Variants in SUGCT observed in about 807,000 individuals in gnomAD.
SUGCT encodes succinyl-CoA:glutarate CoA-transferase.
A neutral mutation model predicts 55.0 loss-of-function variants in SUGCT; 41 were observed. The observed-to-expected ratio is 0.74, with a 90% CI of 0.58 to 0.97. The LOEUF is 0.97. Ranked by LOEUF, SUGCT falls within the 50% of genes least tolerant of loss-of-function variation. SUGCT has a pLI of 0.00. For synonymous variants in SUGCT, 187 were observed against 200.4 expected, an observed-to-expected ratio of 0.93 and a Z score of 0.56; for missense variants, 568 against 547.8, an observed-to-expected ratio of 1.04 and a Z score of -0.37.
the SUGCT span, among the ~76,000 whole-genome samples, chr7:41,008,616 A>G: frequency 2.1e-4 from 31 of 150,346 alleles, no homozygotes; most frequent in African/African-American, 6.6e-4. Flanking sequence ...AAGGCTCCAC[A>G]TCTTCCATGG....
the SUGCT span, chr7:40,966,067 G>A: frequency 2.0e-5 from 3 of 152,292 alleles, no homozygotes; most frequent in Admixed American, 2.0e-4. Flanking sequence ...GACTGCATAG[G>A]CCATCACAAT....
intron 12 of SUGCT, among the ~76,000 whole-genome samples, chr7:40,707,285 T>TCTTCGTCTC (rs1228199357): frequency 6.6e-6 from 1 of 152,186 alleles, no homozygotes; most frequent in Non-Finnish European, 1.5e-5. Context: ...GAGAACGTTT[T>TCTTCGTCTC]CTTCGTCTCC....
At position 40,434,500 on chromosome 7, in the gene SUGCT, G is replaced by A. The variant is rs545012706; in HGVS notation, c.817-14787G>A. ...CATATCCAGATTCATGGGGACTTGA[G>A]AAGGAAGAACTTAAACCATGCTCAT... On this transcript the variant is annotated intron_variant, in intron 9 of 13. Coordinates refer to ENST00000335693, the MANE Select transcript of SUGCT (RefSeq NM_001193313.2). 1.1e-3 allele frequency among the ~76,000 whole-genome samples: 167 copies of A among 152,260 alleles called. 2 individuals carry two copies. Among genetic ancestry groups the A allele is most frequent in the Non-Finnish European group, 1.5e-4 (10 of 68,024 alleles).
intron 13 of SUGCT, among the ~76,000 whole-genome samples, chr7:40,790,240 C>T (rs1313368051): frequency 6.6e-6 from 1 of 152,154 alleles, no homozygotes; most frequent in Non-Finnish European, 1.5e-5. Context: ...AGTGAGTTCT[C>T]ACCAGATCTG....
At chr7:40,616,170 A>G (rs1318765675) in intron 12 of SUGCT, among the ~76,000 whole-genome samples, 1 of 152,168 alleles carries the variant, frequency 6.6e-6, no homozygotes, top group African/African-American at 2.4e-5. Context: ...TCTTTGAAGA[A>G]ACCAGGAACT....
intron 11 of SUGCT, among the ~76,000 whole-genome samples, chr7:40,475,079 T>G (rs951355338): frequency 2.6e-5 from 4 of 152,228 alleles, no homozygotes; most frequent in African/African-American, 9.6e-5. Context: ...GGGTGCCCAT[T>G]ACTAAATCAC....
chr7:40,250,763 A>G (rs567277811), intron 7 of SUGCT, among the ~76,000 whole-genome samples: 1 of 151,750 alleles, frequency 6.6e-6, no homozygotes, highest in East Asian at 1.9e-4. Flanking sequence ...TCATTACTAA[A>G]AGATCCTGTG....
chr7:40,237,546 T>C, intron 6 of SUGCT, 89 bp from the exon 7 acceptor site: 1 of 987,448 alleles, frequency 1.0e-6, no homozygotes, highest in Middle Eastern at 2.1e-4. Flanking sequence ...GCAGGATTTC[T>C]GGATACAAAT....
chr7:40,714,196 G>A (rs77538635), intron 12 of SUGCT, among the ~76,000 whole-genome samples: 1 of 152,050 alleles, frequency 6.6e-6, no homozygotes, highest in Non-Finnish European at 1.5e-5. Flanking sequence ...CAGGTGTGTT[G>A]GTGAGCGCCT....
chr7:40,869,166 A>G, the SUGCT span, among the ~76,000 whole-genome samples: 1 of 152,176 alleles, frequency 6.6e-6, no homozygotes, highest in South Asian at 2.1e-4. Context: ...AAGTGCTTCT[A>G]TGGAAGGAAT....
intron 13 of SUGCT, among the ~76,000 whole-genome samples, chr7:40,848,927 T>C (rs1302095897): frequency 6.6e-6 from 1 of 152,216 alleles, no homozygotes; most frequent in East Asian, 1.9e-4. Context: ...TTGGATGCTA[T>C]GGCTGAGAGG....
the SUGCT span, among the ~76,000 whole-genome samples, chr7:40,933,149 C>T: frequency 2.2e-4 from 33 of 152,046 alleles, no homozygotes; most frequent in Non-Finnish European, 3.8e-4. Flanking sequence ...AATCTCTCAG[C>T]GTTTGCTTGT....
intron 3 of SUGCT, among the ~76,000 whole-genome samples, chr7:40,182,633 A>G (rs936117251): frequency 7.2e-5 from 11 of 152,148 alleles, no homozygotes; most frequent in Non-Finnish European, 1.6e-4. Context: ...TGACACCTAC[A>G]GTGCCGGGGC....
chr7:40,256,069 A>T (rs1018110688), intron 7 of SUGCT, among the ~76,000 whole-genome samples: 8 of 152,190 alleles, frequency 5.3e-5, no homozygotes, highest in Admixed American at 2.6e-4. Context: ...ATCTCATGAA[A>T]TCTAAATTTC....
At chr7:40,896,762 G>A in the SUGCT span, among the ~76,000 whole-genome samples, 1 of 152,114 alleles carries the variant, frequency 6.6e-6, no homozygotes, top group Non-Finnish European at 1.5e-5. Context: ...TTAGCAGTGT[G>A]AGAATGGACT....
rs1266625916 is a variant in SUGCT at position 40,775,690 on chromosome 7, T to G, written c.1153+26193T>G. 3 of 152,304 alleles carry G rather than the reference T, an allele frequency of 2.0e-5. No individual in the cohort carries two copies. In the East Asian group the frequency reaches 5.8e-4, roughly 29 times the overall value. The allele number at this position is 152,304 out of a possible 1,614,324, so 9.4% of individuals were successfully genotyped here. On this transcript the variant is annotated intron_variant, in intron 13 of 13. Coordinates refer to ENST00000335693, the MANE Select transcript of SUGCT (RefSeq NM_001193313.2). The stretch of plus-strand genomic sequence containing the variant: ...AGCACAAACCCAAGATACTAAACTG[T>G]CTCTGGATTTAAGTGTAAGGTGAGT...
intron 7 of SUGCT, among the ~76,000 whole-genome samples, chr7:40,261,767 C>T (rs1791237577): frequency 1.3e-5 from 2 of 152,260 alleles, no homozygotes; most frequent in South Asian, 4.1e-4. Flanking sequence ...TGCAGATCTT[C>T]GTGGATATAA....
At chr7:40,692,319 G>A (rs551376463) in intron 12 of SUGCT, among the ~76,000 whole-genome samples, 1 of 152,310 alleles carries the variant, frequency 6.6e-6, no homozygotes, top group East Asian at 1.9e-4. Flanking sequence ...GGACATTTAA[G>A]TCTTCCCCTG....
chr7:40,453,437 A>G (rs541464161), intron 10 of SUGCT, among the ~76,000 whole-genome samples: 2 of 152,186 alleles, frequency 1.3e-5, no homozygotes, highest in South Asian at 4.1e-4. Flanking sequence ...TTGTTTATGA[A>G]CTCTTGGGAT....
Sources: gnomAD v4.1 joint callset for allele counts (sites outside exome capture counted in the v4.1 genomes callset) on GRCh38, gnomAD v4.1.1 for gene constraint, MANE v1.5 for transcripts, NCBI Gene and HGNC (gene_info 2026-07-23, HGNC 2026-07-21) for gene names.